ALG12: variants seen among roughly 807,000 people sequenced by gnomAD.
ALG12 encodes the protein ALG12 alpha-1,6-mannosyltransferase.
ALG12 carries 36 observed loss-of-function variants against 46.0 expected under a neutral mutation model. That is an observed-to-expected ratio of 0.78 (90% CI 0.60 to 1.03). The LOEUF is 1.03. Among genes scored for constraint, ALG12 ranks in the 50% least tolerant of loss-of-function variants. The pLI, the probability that ALG12 is intolerant of heterozygous loss-of-function variation, is 0.00. For missense variants in ALG12, 599 were observed against 633.5 expected (o/e 0.95, Z 0.58); for synonymous variants, 326 against 291.6 (o/e 1.12, Z -1.20).
the ALG12 span, chr22:49,886,482 C>T: frequency 2.0e-5 from 31 of 1,568,548 alleles, no homozygotes; most frequent in Middle Eastern, 3.4e-4. The surrounding 1 kb of genome is among the most constrained non-coding windows in gnomAD (Gnocchi z 7.7). Flanking sequence ...TAAAGCCCTT[C>T]GAGGCTGCGA....
At position 49,903,842 on chromosome 22, in the gene ALG12, G is replaced by A. The variant is rs2060527495; in HGVS notation, c.1463C>T (p.Ser488Phe). Residue 488 changes from serine to phenylalanine, a missense_variant, in exon 10 of 10, where the codon TCC becomes TTC. Transcript: ENST00000330817. ...LVLLERLPRP[S>F] is the part of the protein sequence containing the mutation. ...CTGAGGGCTGCCTGGTCCCCCTCAG[G>A]ACGGCCGGGGGAGCCTCTCCAGAAG... The A allele has an allele frequency of 6.2e-7, 1 of 1,614,182 alleles. No individual in the cohort carries two copies. The highest frequency in any genetic ancestry group is 8.5e-7 in the Non-Finnish European group (1 of 1,180,026).
At position 49,900,730 on chromosome 22, in the gene ALG12, G is replaced by A. The variant is rs6520063; in HGVS notation, c.*3108C>T. 39,106 of 152,198 alleles carry A rather than the reference G, an allele frequency of 0.26. 9,937 individuals are homozygous for A. The highest frequency in any genetic ancestry group is 0.66 in the African/African-American group (27,452 of 41,450). The allele number at this position is 152,198 out of a possible 1,614,324, so 9.4% of individuals were successfully genotyped here. A position where few individuals can be genotyped will look rare whatever the true frequency, so the allele number is the denominator to read the frequency against. On this transcript the variant is annotated 3_prime_UTR_variant, in exon 10 of 10. Coordinates refer to ENST00000330817, the MANE Select transcript of ALG12 (RefSeq NM_024105.4). ...AGGGTCCTCAGGGTGGAGATGGGGG[G>A]TGGGGGAGAACCGTGCAAGGTGGGA...
the ALG12 span, among the ~76,000 whole-genome samples, chr22:49,881,713 G>C: frequency 6.6e-6 from 1 of 152,082 alleles, no homozygotes; most frequent in South Asian, 2.1e-4. Flanking sequence ...TTTTTGTTTT[G>C]TAGAGAACAG....
At chr22:49,909,205 T>A (rs546170854) in intron 6 of ALG12, 39 bp downstream of exon 6, 5 of 1,588,354 alleles carry the variant, frequency 3.1e-6, no homozygotes, top group East Asian at 4.5e-5. Context: ...TGGCTGCAGG[T>A]CCCACCCATC....
the ALG12 span, among the ~76,000 whole-genome samples, chr22:49,879,379 A>T: frequency 6.6e-6 from 1 of 151,830 alleles, no homozygotes; most frequent in African/African-American, 2.4e-5. Context: ...CGTCTGCCTC[A>T]TCCTCCCGAA....
chr22:49,865,733 C>T, the ALG12 span, among the ~76,000 whole-genome samples: 1,204 of 152,188 alleles, frequency 7.9e-3, 18 homozygotes, highest in African/African-American at 0.028. Flanking sequence ...GGTTTGCTCT[C>T]CGGTAGATCT....
chr22:49,867,724 A>T, the ALG12 span, among the ~76,000 whole-genome samples: 1 of 152,190 alleles, frequency 6.6e-6, no homozygotes, highest in Non-Finnish European at 1.5e-5. Context: ...CAGATCTAAT[A>T]CCATCTAGGC....
chr22:49,879,099 C>T, the ALG12 span, among the ~76,000 whole-genome samples: 1,174 of 148,584 alleles, frequency 7.9e-3, 18 homozygotes, highest in African/African-American at 0.028. Flanking sequence ...GAGCCGAGAT[C>T]GCGCCACTGC....
chr22:49,886,164 G>A, the ALG12 span: 696 of 697,572 alleles, frequency 1.0e-3, 7 homozygotes, highest in African/African-American at 9.0e-3. This position sits in a 1 kb window ranked among gnomAD's most constrained non-coding sequence, Gnocchi z 7.7. Context: ...CGGTGAACCT[G>A]ATCGTCAGCG....
chr22:49,883,510 A>T, the ALG12 span: 2 of 1,077,174 alleles, frequency 1.9e-6, no homozygotes, highest in Non-Finnish European at 2.5e-6. Context: ...TCTTTTTTTC[A>T]GTACTATTTA....
At chr22:49,862,270 CT>C in the ALG12 span, among the ~76,000 whole-genome samples, 98 of 152,266 alleles carry the variant, frequency 6.4e-4, 1 homozygote, top group African/African-American at 2.3e-3. Flanking sequence ...AAGGTGGTTT[CT>C]CTGTCTTTCT....
the ALG12 span, among the ~76,000 whole-genome samples, chr22:49,872,023 C>G: frequency 6.6e-6 from 1 of 152,182 alleles, no homozygotes; most frequent in East Asian, 1.9e-4. Context: ...GGATTACAGG[C>G]GTGAGCCACT....
chr22:49,860,256 G>A, the ALG12 span, among the ~76,000 whole-genome samples: 5 of 152,220 alleles, frequency 3.3e-5, no homozygotes, highest in Admixed American at 2.0e-4. Flanking sequence ...CTGCAATGAC[G>A]TCACTGCACT....
chr22:49,862,080 G>C, the ALG12 span, among the ~76,000 whole-genome samples: 3 of 152,184 alleles, frequency 2.0e-5, no homozygotes, highest in East Asian at 5.8e-4. Flanking sequence ...CATTTAATTT[G>C]CTTCAATCTG....
At chr22:49,915,004 C>T (rs1317099684) in intron 1 of ALG12, among the ~76,000 whole-genome samples, 4 of 152,262 alleles carry the variant, frequency 2.6e-5, no homozygotes, top group Non-Finnish European at 4.4e-5. Context: ...ATTGGGATTA[C>T]AGGCGTGGGC....
At chr22:49,887,335 AC>A in the ALG12 span, 1 of 699,542 alleles carries the variant, frequency 1.4e-6, no homozygotes, top group South Asian at 3.0e-5. Flanking sequence ...CACGTGCCTT[AC>A]CCCTTCTCCT....
the ALG12 span, among the ~76,000 whole-genome samples, chr22:49,892,445 G>A: frequency 1.3e-5 from 2 of 152,232 alleles, no homozygotes; most frequent in Non-Finnish European, 2.9e-5. Context: ...AGGATGCCAG[G>A]AGCCTCAGAG....
chr22:49,886,247 G>A, the ALG12 span: 6 of 1,084,558 alleles, frequency 5.5e-6, no homozygotes, highest in Middle Eastern at 2.1e-4. This position sits in a 1 kb window ranked among gnomAD's most constrained non-coding sequence, Gnocchi z 7.7. Context: ...CGGGTGCACC[G>A]GTCGCCCAAG....
chr22:49,917,007 T>A (rs1219523420), intron 1 of ALG12, among the ~76,000 whole-genome samples: 3 of 152,202 alleles, frequency 2.0e-5, no homozygotes, highest in Admixed American at 6.5e-5. Context: ...CCCAACAAGG[T>A]GTGCCTTCTG....
Sources: allele counts gnomAD v4.1 joint callset (sites outside exome capture counted in the v4.1 genomes callset), GRCh38; gene constraint gnomAD v4.1.1; non-coding constraint Gnocchi (gnomAD v3.1); transcripts MANE v1.5; gene names NCBI Gene and HGNC (gene_info 2026-07-23, HGNC 2026-07-21).